NMNAT2: variants seen among roughly 807,000 people sequenced by gnomAD.
NMNAT2 encodes the protein nicotinamide/nicotinic acid mononucleotide adenylyltransferase 2.
NMNAT2 carries 11 observed loss-of-function variants against 41.6 expected under a neutral mutation model. The ratio of observed to expected loss-of-function variants is 0.26; its 90% CI spans 0.17 to 0.44. The LOEUF is 0.44. Among genes scored for constraint, NMNAT2 ranks in the 20% least tolerant of loss-of-function variants. The pLI is 1.00. For missense variants in NMNAT2, 288 were observed against 407.7 expected (o/e 0.71, Z 2.53); for synonymous variants, 148 against 151.2 (o/e 0.98, Z 0.16).
rs1343265121 is a variant in NMNAT2 at position 183,284,680 on chromosome 1, G to A, written c.529+30C>T. The stretch of plus-strand genomic sequence containing the variant: ...GGGAGGAGAGAAAGAAAAGAGACAG[G>A]ACTGGGAATCAAGTTCCTTGGTTCC... On this transcript the variant is annotated intron_variant, in intron 6 of 10. Coordinates refer to ENST00000287713, the MANE Select transcript of NMNAT2 (RefSeq NM_015039.4). The A allele has an allele frequency of 2.5e-6, 4 of 1,571,944 alleles. No individual in the cohort carries two copies. The African/African-American group carries it at 4.0e-5, about 16-fold the overall frequency.
intron 1 of NMNAT2, among the ~76,000 whole-genome samples, chr1:183,364,387 C>G (rs1410699989): frequency 1.3e-5 from 2 of 152,144 alleles, no homozygotes; most frequent in Non-Finnish European, 2.9e-5. Flanking sequence ...TTCTGGTATC[C>G]CATTGGCAAC....
At chr1:183,292,550 G>A (rs907444638) in intron 3 of NMNAT2, among the ~76,000 whole-genome samples, 18 of 152,366 alleles carry the variant, frequency 1.2e-4, no homozygotes, top group East Asian at 7.7e-4. Flanking sequence ...ATTCAGAGAT[G>A]TCAAAGCAGA....
At chr1:183,294,888 T>C (rs1661643039) in intron 1 of NMNAT2, among the ~76,000 whole-genome samples, 1 of 152,258 alleles carries the variant, frequency 6.6e-6, no homozygotes, top group Admixed American at 6.5e-5. Context: ...AATTTTTAAG[T>C]AGAAGGCGGC....
At chr1:183,291,944 T>C (rs1322132434) in intron 3 of NMNAT2, among the ~76,000 whole-genome samples, 1 of 152,086 alleles carries the variant, frequency 6.6e-6, no homozygotes, top group African/African-American at 2.4e-5. Context: ...GAATTATTAC[T>C]GTGGCTTCCC....
At chr1:183,329,592 T>C (rs1571601680) in intron 1 of NMNAT2, among the ~76,000 whole-genome samples, 4 of 152,178 alleles carry the variant, frequency 2.6e-5, no homozygotes, top group Admixed American at 6.5e-5. Flanking sequence ...CCCTCACTGT[T>C]CCCCTCATGG....
At chr1:183,412,159 G>C (rs1214759900) in intron 1 of NMNAT2, among the ~76,000 whole-genome samples, 2 of 152,224 alleles carry the variant, frequency 1.3e-5, no homozygotes, top group Non-Finnish European at 2.9e-5. Flanking sequence ...TGGAGGATTT[G>C]GAGCAAAGGA....
chr1:183,293,886 G>T, intron 1 of NMNAT2, 93 bp from the exon 2 acceptor site: 1 of 854,226 alleles, frequency 1.2e-6, no homozygotes. Context: ...TGTAATGCTG[G>T]GGTTTATTTC....
intron 1 of NMNAT2, among the ~76,000 whole-genome samples, chr1:183,324,796 C>T (rs970759622): frequency 2.6e-5 from 4 of 152,132 alleles, no homozygotes; most frequent in Admixed American, 6.5e-5. Flanking sequence ...TACTTCTTCC[C>T]TCATCTTTGC....
chr1:183,279,870 T>C (rs1466012313), intron 7 of NMNAT2, among the ~76,000 whole-genome samples: 2 of 152,190 alleles, frequency 1.3e-5, no homozygotes, highest in African/African-American at 2.4e-5. Context: ...ATGATCTGTT[T>C]GTGTGCAGGG....
chr1:183,280,870 C>T (rs1320776247), intron 7 of NMNAT2, among the ~76,000 whole-genome samples: 1 of 149,940 alleles, frequency 6.7e-6, no homozygotes, highest in African/African-American at 2.5e-5. Context: ...ACCGCAACCT[C>T]CGCCTCCTGG....
intron 1 of NMNAT2, among the ~76,000 whole-genome samples, chr1:183,385,529 T>C (rs1344479388): frequency 6.6e-6 from 1 of 152,042 alleles, no homozygotes; most frequent in Non-Finnish European, 1.5e-5. Context: ...GCATATATTC[T>C]GTGACAGGGG....
At chr1:183,289,213 A>G (rs940037639) in intron 4 of NMNAT2, among the ~76,000 whole-genome samples, 1 of 152,176 alleles carries the variant, frequency 6.6e-6, no homozygotes, top group Non-Finnish European at 1.5e-5. Context: ...GTGGACTGCT[A>G]TCTGGGGCTG....
chr1:183,411,367 T>C (rs1034545616), intron 1 of NMNAT2, among the ~76,000 whole-genome samples: 1 of 152,084 alleles, frequency 6.6e-6, no homozygotes, highest in Non-Finnish European at 1.5e-5. Flanking sequence ...CAGACTGGAG[T>C]GCAGTGGTGC....
At chr1:183,292,072 AT>A (rs1280931782) in intron 3 of NMNAT2, among the ~76,000 whole-genome samples, 7 of 152,226 alleles carry the variant, frequency 4.6e-5, no homozygotes, top group African/African-American at 1.7e-4. Flanking sequence ...GGTGCTGCTT[AT>A]TTTTCCATAG....
At chr1:183,304,527 A>G in intron 1 of NMNAT2, 1 of 690,416 alleles carries the variant, frequency 1.4e-6, no homozygotes, top group Non-Finnish European at 2.5e-6. Flanking sequence ...GATCAGGCTG[A>G]TGTCCCTAAA....
intron 1 of NMNAT2, among the ~76,000 whole-genome samples, chr1:183,417,213 T>C (rs1649279731): frequency 6.6e-6 from 1 of 152,110 alleles, no homozygotes; most frequent in Non-Finnish European, 1.5e-5. Context: ...AATAGGCATC[T>C]ATCGATCACC....
At chr1:183,405,610 G>A (rs1003955892) in intron 1 of NMNAT2, among the ~76,000 whole-genome samples, 2 of 152,224 alleles carry the variant, frequency 1.3e-5, no homozygotes, top group African/African-American at 2.4e-5. Flanking sequence ...TGAGGGAGGA[G>A]CTAGACAAAA....
intron 4 of NMNAT2, among the ~76,000 whole-genome samples, chr1:183,289,169 G>A (rs1293085869): frequency 1.3e-5 from 2 of 152,238 alleles, no homozygotes; most frequent in East Asian, 3.9e-4. Flanking sequence ...ACACAGATGG[G>A]ACATGGGCTC....
At chr1:183,269,251 G>C (rs887540824) in intron 8 of NMNAT2, among the ~76,000 whole-genome samples, 7 of 152,214 alleles carry the variant, frequency 4.6e-5, no homozygotes, top group Admixed American at 3.9e-4. Flanking sequence ...GGGGAAAACT[G>C]TTTAAATAAA....
Sources: allele counts gnomAD v4.1 joint callset (sites outside exome capture counted in the v4.1 genomes callset), GRCh38; gene constraint gnomAD v4.1.1; transcripts MANE v1.5; gene names NCBI Gene and HGNC (gene_info 2026-07-23, HGNC 2026-07-21).